The following PDZRN4 variants were observed in gnomAD, a reference collection of about 807,000 sequenced individuals.
The protein encoded by PDZRN4 is PDZ domain containing ring finger 4, also known as PDZ domain-containing RING finger protein 4.
Under a neutral mutation model 99.0 loss-of-function variants are expected in PDZRN4, and 70 were observed. That is an observed-to-expected ratio of 0.71 (90% CI 0.58 to 0.86). The LOEUF (loss-of-function observed/expected upper bound fraction) is 0.86. PDZRN4 is among the 40% of genes least tolerant of loss of function. The pLI, the probability that PDZRN4 is intolerant of heterozygous loss-of-function variation, is 0.00. For missense variants in PDZRN4, 1,474 were observed against 1,331.2 expected (o/e 1.11, Z -1.67); for synonymous variants, 551 against 501.6 (o/e 1.10, Z -1.32).
At chr12:41,486,638 G>A (rs1485924319) in intron 3 of PDZRN4, among the ~76,000 whole-genome samples, 1 of 151,936 alleles carries the variant, frequency 6.6e-6, no homozygotes, top group Non-Finnish European at 1.5e-5. Context: ...AGGGAAGGAG[G>A]CAGATTGACC....
At chr12:41,378,553 G>C (rs1205165425) in intron 3 of PDZRN4, among the ~76,000 whole-genome samples, 1 of 61,226 alleles carries the variant, frequency 1.6e-5, no homozygotes, top group African/African-American at 6.4e-5. Context: ...ACAGAGTTTT[G>C]CTCTTATCAC....
rs556095515 is a variant in PDZRN4 at position 41,527,914 on chromosome 12, AC to A, written c.1203+18003del. Among the ~76,000 whole-genome samples the A allele has an allele frequency of 2.7e-3, 406 of 152,324 alleles. 3 individuals carry two copies. Among genetic ancestry groups the A allele is most frequent in the Middle Eastern group, 6.8e-3 (2 of 294 alleles). ...CCCAAAACACATTGAGGCTATGCCT[AC>A]CTATGTGAGATATTCATTCCAGACC... On this transcript the variant is annotated intron_variant, in intron 5 of 9. Coordinates refer to ENST00000402685, the MANE Select transcript of PDZRN4 (RefSeq NM_001164595.2).
chr12:41,376,965 C>A (rs1299365935), intron 3 of PDZRN4, among the ~76,000 whole-genome samples: 3 of 152,196 alleles, frequency 2.0e-5, no homozygotes, highest in African/African-American at 7.2e-5. Context: ...GTTTTTCCAA[C>A]ACCATTTGTT....
chr12:41,225,953 AT>A (rs60281069), intron 3 of PDZRN4, among the ~76,000 whole-genome samples: 8 of 151,316 alleles, frequency 5.3e-5, no homozygotes, highest in South Asian at 2.1e-4. Flanking sequence ...CTCCACTTGA[AT>A]TTTTTTTTCC....
chr12:41,554,658 T>A (rs1021911519), intron 6 of PDZRN4, among the ~76,000 whole-genome samples: 1 of 152,074 alleles, frequency 6.6e-6, no homozygotes, highest in Non-Finnish European at 1.5e-5. Flanking sequence ...CGCAGTGAAC[T>A]GTAAGTCATC....
At chr12:41,532,593 G>A (rs1209693489) in intron 5 of PDZRN4, among the ~76,000 whole-genome samples, 1 of 151,990 alleles carries the variant, frequency 6.6e-6, no homozygotes, top group African/African-American at 2.4e-5. Context: ...TTCTCCATAT[G>A]ATTACACATA....
chr12:41,225,068 T>C (rs371405053), intron 3 of PDZRN4, among the ~76,000 whole-genome samples: 2 of 152,172 alleles, frequency 1.3e-5, no homozygotes, highest in African/African-American at 4.8e-5. Context: ...TATACAGTTC[T>C]CCTGTCTCCA....
At chr12:41,375,906 C>A (rs1239750862) in intron 3 of PDZRN4, among the ~76,000 whole-genome samples, 1 of 152,134 alleles carries the variant, frequency 6.6e-6, no homozygotes, top group Non-Finnish European at 1.5e-5. Context: ...TCTCATTTCC[C>A]CCAAGCCCCA....
chr12:41,270,929 CAGTAT>C (rs1308821013), intron 3 of PDZRN4, among the ~76,000 whole-genome samples: 1 of 151,908 alleles, frequency 6.6e-6, no homozygotes, highest in Non-Finnish European at 1.5e-5. Context: ...AAAAATAATA[CAGTAT>C]AGTAAAGTTG....
chr12:41,557,157 A>G (rs1175822328), intron 7 of PDZRN4, among the ~76,000 whole-genome samples: 4 of 125,120 alleles, frequency 3.2e-5, no homozygotes, highest in Admixed American at 2.7e-4. Context: ...TCAAAAAAAA[A>G]AAAAAAAAAA....
At chr12:41,401,559 G>A (rs576981269) in intron 3 of PDZRN4, among the ~76,000 whole-genome samples, 6 of 152,002 alleles carry the variant, frequency 3.9e-5, no homozygotes, top group South Asian at 4.2e-4. Context: ...CTTTTTCACC[G>A]ATCCAGACTG....
At chr12:41,314,121 TTTA>T (rs1412242093) in intron 3 of PDZRN4, among the ~76,000 whole-genome samples, 1 of 152,200 alleles carries the variant, frequency 6.6e-6, no homozygotes, top group Non-Finnish European at 1.5e-5. Context: ...GAATTCAGGT[TTTA>T]TTATTATAAG....
intron 3 of PDZRN4, among the ~76,000 whole-genome samples, chr12:41,427,228 T>C (rs1565580009): frequency 1.3e-5 from 2 of 152,188 alleles, no homozygotes; most frequent in Non-Finnish European, 2.9e-5. Context: ...TCTAGACATT[T>C]GCCAAAATAT....
intron 3 of PDZRN4, among the ~76,000 whole-genome samples, chr12:41,314,562 G>A (rs562527351): frequency 2.8e-4 from 43 of 152,282 alleles, no homozygotes; most frequent in African/African-American, 9.6e-4. Flanking sequence ...TGAGTCTTGA[G>A]TATTGAGTAG....
At chr12:41,405,718 T>C (rs1399546699) in intron 3 of PDZRN4, among the ~76,000 whole-genome samples, 1 of 152,040 alleles carries the variant, frequency 6.6e-6, no homozygotes, top group African/African-American at 2.4e-5. Context: ...CAGTACTGAA[T>C]TGGATAAAGA....
intron 3 of PDZRN4, among the ~76,000 whole-genome samples, chr12:41,383,351 A>G (rs906441176): frequency 3.9e-5 from 6 of 152,252 alleles, no homozygotes; most frequent in Non-Finnish European, 8.8e-5. Flanking sequence ...CCGAAAAGAA[A>G]TATGAAAAGC....
chr12:41,189,018 C>G lies in PDZRN4; in HGVS notation c.563C>G (p.Thr188Arg). ...GCGCTGCAGGGCGAGGTGCAGCTCA[C>G]GGCGCGCAGGTACCAGGAGAAGTTC... ...LWALQGEVQL[T>R]ARRYQEKFTQ... The change falls in exon 1 of 10, where the codon ACG (threonine) becomes AGG (arginine). Residue 188 changes from threonine to arginine, a missense_variant. Coordinates refer to ENST00000402685, the MANE Select transcript of PDZRN4 (RefSeq NM_001164595.2). 6.4e-7 allele frequency: 1 copy of G among 1,558,426 alleles called. No individual in the cohort carries two copies. Among genetic ancestry groups the G allele is most frequent in the Non-Finnish European group, 8.6e-7 (1 of 1,160,252 alleles).
At chr12:41,434,176 TTC>T (rs1404671333) in intron 3 of PDZRN4, among the ~76,000 whole-genome samples, 1 of 152,206 alleles carries the variant, frequency 6.6e-6, no homozygotes, top group Non-Finnish European at 1.5e-5. Flanking sequence ...CTCTCTCTCT[TTC>T]TCTTTTTATC....
At chr12:41,344,881 AC>A (rs1951842545) in intron 3 of PDZRN4, among the ~76,000 whole-genome samples, 1 of 151,752 alleles carries the variant, frequency 6.6e-6, no homozygotes, top group African/African-American at 2.4e-5. Context: ...TCAAGAAAAA[AC>A]TGTACTGAAA....
Sources: allele counts gnomAD v4.1 joint callset (sites outside exome capture counted in the v4.1 genomes callset), GRCh38; gene constraint gnomAD v4.1.1; transcripts MANE v1.5; gene names NCBI Gene and HGNC (gene_info 2026-07-23, HGNC 2026-07-21).